Variants in HTR4 observed in about 807,000 individuals in gnomAD.
The protein encoded by HTR4 is 5-hydroxytryptamine (serotonin) receptor 4, G protein-coupled.
Under a neutral mutation model 36.8 loss-of-function variants are expected in HTR4, and 16 were observed. The ratio of observed to expected loss-of-function variants is 0.43; its 90% CI spans 0.29 to 0.66. The LOEUF (loss-of-function observed/expected upper bound fraction) is 0.66, where lower values mean the gene tolerates loss of function less well. Among genes scored for constraint, HTR4 ranks in the 30% least tolerant of loss-of-function variants. HTR4 has a pLI of 0.13. For synonymous variants in HTR4, 189 were observed against 185.1 expected, an observed-to-expected ratio of 1.02 and a Z score of -0.17; for missense variants, 438 against 490.9, an observed-to-expected ratio of 0.89 and a Z score of 1.02.
At chr5:148,608,705 C>T (rs1752284937) in intron 2 of HTR4, among the ~76,000 whole-genome samples, 2 of 152,170 alleles carry the variant, frequency 1.3e-5, no homozygotes, top group South Asian at 4.1e-4. Context: ...ATGCAGCATG[C>T]AGAATGGATT....
At chr5:148,456,896 A>T (rs1755113978) in intron 5 of HTR4, among the ~76,000 whole-genome samples, 1 of 152,242 alleles carries the variant, frequency 6.6e-6, no homozygotes, top group Non-Finnish European at 1.5e-5. Flanking sequence ...TTATCTGATG[A>T]TTGAGGTAGA....
intron 5 of HTR4, among the ~76,000 whole-genome samples, chr5:148,519,716 G>A (rs186717556): frequency 2.1e-4 from 32 of 152,298 alleles, no homozygotes; most frequent in African/African-American, 7.5e-4. Context: ...TGTGTTTCCA[G>A]CTGAAGTCAA....
Position 148,567,659 on chromosome 5 carries a change from T to G in HTR4, c.27-17397A>C, listed in dbSNP as rs555221179. Among the ~76,000 whole-genome samples, 5 of 152,268 alleles carry G rather than the reference T, an allele frequency of 3.3e-5. No homozygotes were observed. The East Asian group carries it at 9.7e-4, about 29-fold the overall frequency. ...CCAATATGTCAAGTGCGCTCTGACCTGTGCGCCTGTTGTGTTTTCTTCCTA... is the reference window on the plus strand; with the variant it reads ...CCAATATGTCAAGTGCGCTCTGACCGGTGCGCCTGTTGTGTTTTCTTCCTA... On this transcript the variant is annotated intron_variant, in intron 2 of 6. Transcript: ENST00000377888.
At chr5:148,517,246 T>C (rs903088814) in intron 5 of HTR4, among the ~76,000 whole-genome samples, 1 of 152,164 alleles carries the variant, frequency 6.6e-6, no homozygotes, top group African/African-American at 2.4e-5. Context: ...GGCTGTTCCT[T>C]CCAACTGTCC....
At chr5:148,589,574 G>T (rs1761480756) in intron 2 of HTR4, among the ~76,000 whole-genome samples, 1 of 152,030 alleles carries the variant, frequency 6.6e-6, no homozygotes, top group South Asian at 2.1e-4. Context: ...TGTTTTGTAA[G>T]AAATTTTATA....
intron 4 of HTR4, among the ~76,000 whole-genome samples, chr5:148,527,871 C>T (rs1581428283): frequency 6.6e-6 from 1 of 152,300 alleles, no homozygotes; most frequent in East Asian, 1.9e-4. Flanking sequence ...GCCTTAGTCT[C>T]CCAAAGTGCT....
At chr5:148,590,287 CTTTTTTTTTTTTTTT>C (rs779077579) in intron 2 of HTR4, among the ~76,000 whole-genome samples, 44 of 33,344 alleles carry the variant, frequency 1.3e-3, no homozygotes, top group African/African-American at 5.7e-3. Context: ...TTTTTCTTTT[CTTTTTTTTTTTTTTT>C]TTTTTTTTTT....
intron 2 of HTR4, among the ~76,000 whole-genome samples, chr5:148,612,094 C>A (rs967472533): frequency 2.0e-5 from 3 of 152,090 alleles, no homozygotes; most frequent in Admixed American, 6.6e-5. Context: ...ATTTAACACC[C>A]CACTGTCAAC....
chr5:148,486,853 C>T (rs539772055), intron 6 of HTR4, among the ~76,000 whole-genome samples: 3 of 152,184 alleles, frequency 2.0e-5, no homozygotes, highest in South Asian at 2.1e-4. Flanking sequence ...AGCTGTTAAA[C>T]GTATTTGGGT....
intron 5 of HTR4, among the ~76,000 whole-genome samples, chr5:148,517,756 A>G (rs1757828378): frequency 1.3e-5 from 2 of 152,164 alleles, no homozygotes; most frequent in Non-Finnish European, 2.9e-5. Context: ...GATTACTTCA[A>G]TAGACTCCCT....
intron 2 of HTR4, among the ~76,000 whole-genome samples, chr5:148,635,226 T>G (rs1219126116): frequency 6.6e-6 from 1 of 152,204 alleles, no homozygotes; most frequent in African/African-American, 2.4e-5. Context: ...AAATTCATTA[T>G]GTATTCCTAA....
chr5:148,513,750 A>G (rs1757604725), intron 5 of HTR4, among the ~76,000 whole-genome samples: 2 of 152,336 alleles, frequency 1.3e-5, no homozygotes, highest in South Asian at 4.1e-4. Context: ...ATTAATTAAC[A>G]TGGTAATTCC....
At chr5:148,581,620 C>A (rs1185491697) in intron 2 of HTR4, among the ~76,000 whole-genome samples, 1 of 152,058 alleles carries the variant, frequency 6.6e-6, no homozygotes, top group African/African-American at 2.4e-5. Context: ...GTATTATCAG[C>A]ATCCTTATTG....
chr5:148,452,391 A>G (rs949589203), intron 5 of HTR4, among the ~76,000 whole-genome samples: 4 of 152,200 alleles, frequency 2.6e-5, no homozygotes, highest in Non-Finnish European at 5.9e-5. Flanking sequence ...ACTAGGTATA[A>G]GTCTAGAAAA....
intron 2 of HTR4, among the ~76,000 whole-genome samples, chr5:148,623,764 G>T (rs1303560477): frequency 2.6e-5 from 4 of 152,090 alleles, no homozygotes; most frequent in Admixed American, 2.6e-4. Context: ...AACGTTCTAG[G>T]TCCTCAGCTG....
downstream of HTR4, among the ~76,000 whole-genome samples, chr5:148,472,654 A>G (rs1366965381): frequency 2.0e-5 from 3 of 152,164 alleles, no homozygotes; most frequent in African/African-American, 7.2e-5. Flanking sequence ...AGGCTCCATT[A>G]GGTTTCATAG....
chr5:148,596,734 A>G (rs1761793371), intron 2 of HTR4, among the ~76,000 whole-genome samples: 1 of 152,080 alleles, frequency 6.6e-6, no homozygotes, highest in Non-Finnish European at 1.5e-5. Flanking sequence ...AGCAAAACTG[A>G]ATTACTCATT....
At chr5:148,511,479 T>C (rs1471630109) in intron 5 of HTR4, among the ~76,000 whole-genome samples, 2 of 152,194 alleles carry the variant, frequency 1.3e-5, no homozygotes, top group Non-Finnish European at 2.9e-5. Flanking sequence ...TACAGGCAGT[T>C]TATTCTTTTT....
chr5:148,654,151 C>A lies in HTR4; in HGVS notation c.-137G>T. On this transcript the variant is annotated 5_prime_UTR_variant, in exon 1 of 7. Coordinates refer to ENST00000377888, the MANE Select transcript of HTR4 (RefSeq NM_000870.7). ...GCCGAGCTTCTGCTGCCGCCGCTGC[C>A]GCTGCGCTCCCAGCCGCTGCCTGCG... 1 of 985,714 alleles carries A rather than the reference C, an allele frequency of 1.0e-6. No individual in the cohort carries two copies. The highest frequency in any genetic ancestry group is 1.2e-6 in the Non-Finnish European group (1 of 830,078). 61.1% of individuals were successfully genotyped at this position (985,714 alleles called of 1,614,324 possible).
Sources: allele counts gnomAD v4.1 joint callset (sites outside exome capture counted in the v4.1 genomes callset), GRCh38; gene constraint gnomAD v4.1.1; transcripts MANE v1.5; gene names NCBI Gene and HGNC (gene_info 2026-07-23, HGNC 2026-07-21).